FAM117B: variants seen among roughly 807,000 people sequenced by gnomAD.
The protein encoded by FAM117B is protein FAM117B.
FAM117B carries 22 observed loss-of-function variants against 52.8 expected under a neutral mutation model. The observed-to-expected ratio is 0.42, with a 90% CI of 0.30 to 0.59. The LOEUF is 0.59. Among genes scored for constraint, FAM117B ranks in the 20% least tolerant of loss-of-function variants. The pLI is 0.22. For missense variants in FAM117B, 678 were observed against 802.6 expected, an observed-to-expected ratio of 0.84 and a Z score of 1.88; for synonymous variants, 309 against 324.1, an observed-to-expected ratio of 0.95 and a Z score of 0.50.
chr2:202,695,829 C>T, intron 1 of FAM117B, 52 bp from the exon 2 acceptor site: 2 of 1,525,642 alleles, frequency 1.3e-6, no homozygotes, highest in Non-Finnish European at 8.8e-7. Flanking sequence ...TTAGTTTCTG[C>T]TTTGTTTCTT....
chr2:202,736,041 C>T (rs1473437824), intron 4 of FAM117B, among the ~76,000 whole-genome samples: 2 of 152,084 alleles, frequency 1.3e-5, no homozygotes, highest in East Asian at 1.9e-4. Flanking sequence ...GGGCTGAAGA[C>T]GCTTACTAGC....
rs561806089 is a variant in FAM117B at position 202,749,255 on chromosome 2, T to C, written c.961-6283T>C. On this transcript the variant is annotated intron_variant, in intron 4 of 7. Coordinates refer to ENST00000392238, the MANE Select transcript of FAM117B (RefSeq NM_173511.4). Reference sequence around the variant, plus strand: ...TTCTAAGGAAGTATTTACATATGTGTGCAAATAATTGTCTAGGAGGATGTG... The same window carrying C: ...TTCTAAGGAAGTATTTACATATGTGCGCAAATAATTGTCTAGGAGGATGTG... 3.3e-5 allele frequency among the ~76,000 whole-genome samples: 5 copies of C among 152,296 alleles called. No individual in the cohort carries two copies. The East Asian group carries it at 9.6e-4, about 29-fold the overall frequency.
chr2:202,713,071 C>T (rs1181944368), intron 2 of FAM117B, among the ~76,000 whole-genome samples: 1 of 152,126 alleles, frequency 6.6e-6, no homozygotes, highest in East Asian at 1.9e-4. Context: ...ATATTCCCTC[C>T]TCTGTTTTTC....
At chr2:202,649,199 T>C (rs557131541) in intron 1 of FAM117B, among the ~76,000 whole-genome samples, 1 of 152,338 alleles carries the variant, frequency 6.6e-6, no homozygotes, top group South Asian at 2.1e-4. Flanking sequence ...TGTTTTATCA[T>C]TTCATCTTAC....
chr2:202,698,905 C>G (rs949226037), intron 2 of FAM117B, among the ~76,000 whole-genome samples: 2 of 152,084 alleles, frequency 1.3e-5, no homozygotes, highest in Non-Finnish European at 2.9e-5. Context: ...TCTACAGCAC[C>G]CTTTATTTCC....
chr2:202,735,096 G>A (rs1359498917), intron 4 of FAM117B, among the ~76,000 whole-genome samples: 1 of 152,040 alleles, frequency 6.6e-6, no homozygotes, highest in Non-Finnish European at 1.5e-5. Context: ...GGAACATTGT[G>A]AGTATTACAA....
chr2:202,767,956 A>T lies in FAM117B; in HGVS notation c.*2192A>T, dbSNP rs1692008424. On this transcript the variant is annotated 3_prime_UTR_variant, in exon 8 of 8. Transcript: ENST00000392238. Reference sequence around the variant, plus strand: ...CTACATTTTCTCACTGAGAGCCTTGATATTTTGCCTTCTTTGTTATGCATT... The same window carrying T: ...CTACATTTTCTCACTGAGAGCCTTGTTATTTTGCCTTCTTTGTTATGCATT... 6.6e-6 allele frequency: 1 copy of T among 152,186 alleles called. No homozygotes were observed. Among genetic ancestry groups the T allele is most frequent in the African/African-American group, 2.4e-5 (1 of 41,448 alleles). The allele number at this position is 152,186 out of a possible 1,614,324, so 9.4% of individuals were successfully genotyped here.
At chr2:202,734,727 T>C (rs1414582461) in intron 4 of FAM117B, among the ~76,000 whole-genome samples, 1 of 152,208 alleles carries the variant, frequency 6.6e-6, no homozygotes, top group Non-Finnish European at 1.5e-5. Flanking sequence ...CTTTATGCAA[T>C]TCTAAGTACA....
At chr2:202,673,711 G>A (rs1690336989) in intron 1 of FAM117B, among the ~76,000 whole-genome samples, 2 of 151,898 alleles carry the variant, frequency 1.3e-5, no homozygotes, top group South Asian at 4.2e-4. Context: ...GTCTCCCAAA[G>A]TGCTGGGATT....
At chr2:202,655,822 AAG>A (rs1187801785) in intron 1 of FAM117B, among the ~76,000 whole-genome samples, 1 of 129,984 alleles carries the variant, frequency 7.7e-6, no homozygotes, top group Non-Finnish European at 1.7e-5. Context: ...GAAGGGGAGA[AAG>A]AGTAGAACAG....
intron 1 of FAM117B, among the ~76,000 whole-genome samples, chr2:202,644,064 G>GTTTGTTTTTTTT (rs1689816805): frequency 7.4e-5 from 7 of 95,162 alleles, no homozygotes; most frequent in African/African-American, 2.7e-4. Flanking sequence ...TTTTTTTTTT[G>GTTTGTTTTTTTT]TTTTTTTTTT....
chr2:202,741,925 A>G (rs1691548534), intron 4 of FAM117B, among the ~76,000 whole-genome samples: 1 of 152,214 alleles, frequency 6.6e-6, no homozygotes, highest in African/African-American at 2.4e-5. Context: ...TAGAAGACAT[A>G]ATGGAAAATA....
At chr2:202,695,290 T>C (rs933495293) in intron 1 of FAM117B, among the ~76,000 whole-genome samples, 1 of 152,160 alleles carries the variant, frequency 6.6e-6, no homozygotes, top group Non-Finnish European at 1.5e-5. Context: ...CAGTTACTTC[T>C]AGTCAACCTT....
At chr2:202,673,973 CTTCTTTTCAAACTTCTCT>C (rs1416540296) in intron 1 of FAM117B, among the ~76,000 whole-genome samples, 5 of 152,038 alleles carry the variant, frequency 3.3e-5, no homozygotes, top group African/African-American at 1.2e-4. Flanking sequence ...AGTGAGGCAG[CTTCTTTTCAAACTTCTCT>C]TTCTTTTCAG....
At chr2:202,715,790 C>T (rs534826448) in intron 2 of FAM117B, among the ~76,000 whole-genome samples, 1 of 152,250 alleles carries the variant, frequency 6.6e-6, no homozygotes, top group Non-Finnish European at 1.5e-5. Context: ...AGCCTGGGCA[C>T]CATTGAGCAC....
At chr2:202,655,761 A>AGAGAGAGAGTGT (rs1690046684) in intron 1 of FAM117B, among the ~76,000 whole-genome samples, 1 of 100,374 alleles carries the variant, frequency 1.0e-5, no homozygotes, top group Non-Finnish European at 2.2e-5. Context: ...AGAGAGAGAG[A>AGAGAGAGAGTGT]GTGTGTGTGT....
chr2:202,701,307 C>A (rs1278029732), intron 2 of FAM117B, among the ~76,000 whole-genome samples: 1 of 152,136 alleles, frequency 6.6e-6, no homozygotes, highest in South Asian at 2.1e-4. Flanking sequence ...ACCTACTGTT[C>A]AGAACAAAAG....
chr2:202,681,922 C>T (rs1433259195), intron 1 of FAM117B, among the ~76,000 whole-genome samples: 1 of 152,170 alleles, frequency 6.6e-6, no homozygotes, highest in Non-Finnish European at 1.5e-5. Flanking sequence ...CATGGCCTGC[C>T]CCGCCCCTCA....
chr2:202,744,562 A>C (rs1691601649), intron 4 of FAM117B, among the ~76,000 whole-genome samples: 1 of 152,294 alleles, frequency 6.6e-6, no homozygotes, highest in East Asian at 1.9e-4. Context: ...ACTAATAGTA[A>C]GTTTTTCAGC....
Sources: gnomAD v4.1 joint callset for allele counts (sites outside exome capture counted in the v4.1 genomes callset) on GRCh38, gnomAD v4.1.1 for gene constraint, MANE v1.5 for transcripts, NCBI Gene and HGNC (gene_info 2026-07-23, HGNC 2026-07-21) for gene names.